VIT: variants seen among roughly 807,000 people sequenced by gnomAD.
VIT encodes the protein vitrin.
VIT carries 99 observed loss-of-function variants against 78.0 expected under a neutral mutation model. The ratio of observed to expected loss-of-function variants is 1.27; its 90% CI spans 1.08 to 1.50. VIT has a LOEUF of 1.50. Among genes scored for constraint, VIT ranks in the 40% most tolerant of loss-of-function variants. VIT has a pLI of 0.00. For synonymous variants in VIT, 374 were observed against 334.3 expected (o/e 1.12, Z -1.29); for missense variants, 1,126 against 875.3 (o/e 1.29, Z -3.61).
At chr2:36,783,895 C>T (rs1388708856) in intron 11 of VIT, among the ~76,000 whole-genome samples, 1 of 152,132 alleles carries the variant, frequency 6.6e-6, no homozygotes, top group Admixed American at 6.5e-5. Context: ...GGGGATGAAG[C>T]AGGTTTATGT....
intron 1 of VIT, among the ~76,000 whole-genome samples, chr2:36,715,706 AT>A (rs1054902954): frequency 2.3e-4 from 35 of 152,258 alleles, no homozygotes; most frequent in African/African-American, 8.2e-4. Flanking sequence ...GGGCATCAGA[AT>A]TTTTTTAAAC....
chr2:36,810,544 A>G (rs1407564506), intron 15 of VIT, among the ~76,000 whole-genome samples: 1 of 152,222 alleles, frequency 6.6e-6, no homozygotes, highest in Non-Finnish European at 1.5e-5. Context: ...TAAACCAAGT[A>G]GTCAATGAAC....
At chr2:36,809,183 G>T (rs1666973087) in intron 15 of VIT, among the ~76,000 whole-genome samples, 198 bp downstream of exon 15, 1 of 152,156 alleles carries the variant, frequency 6.6e-6, no homozygotes. Context: ...CAAGGATGGG[G>T]CAGCAAGGTG....
intron 10 of VIT, among the ~76,000 whole-genome samples, chr2:36,782,597 GC>G (rs1664834158): frequency 6.6e-6 from 1 of 152,316 alleles, no homozygotes; most frequent in Non-Finnish European, 1.5e-5. Context: ...TGCCTGGGAA[GC>G]CCATTCGTGT....
chr2:36,803,200 A>G (rs539495331), intron 13 of VIT, among the ~76,000 whole-genome samples: 1 of 152,304 alleles, frequency 6.6e-6, no homozygotes, highest in East Asian at 1.9e-4. Context: ...ACCTCTGCGG[A>G]CAGTATCCCA....
At chr2:36,719,003 C>T (rs1339241144) in intron 2 of VIT, among the ~76,000 whole-genome samples, 6 of 152,096 alleles carry the variant, frequency 3.9e-5, no homozygotes, top group African/African-American at 9.7e-5. Flanking sequence ...AGGGTTTAGT[C>T]GAACAAATAA....
At chr2:36,798,435 C>T (rs551492241) in intron 12 of VIT, among the ~76,000 whole-genome samples, 117 of 152,306 alleles carry the variant, frequency 7.7e-4, no homozygotes, top group African/African-American at 2.4e-3. Context: ...TAAAAGTGTA[C>T]ATAGCATTTA....
At chr2:36,795,441 C>T (rs1665823861) in intron 12 of VIT, among the ~76,000 whole-genome samples, 1 of 150,880 alleles carries the variant, frequency 6.6e-6, no homozygotes, top group Non-Finnish European at 1.5e-5. Flanking sequence ...GAGTTTCGCT[C>T]TTGTTGCCCA....
intron 2 of VIT, among the ~76,000 whole-genome samples, chr2:36,724,841 C>T (rs542512910): frequency 1.3e-5 from 2 of 152,170 alleles, no homozygotes; most frequent in African/African-American, 2.4e-5. Context: ...AGGCCAAGAA[C>T]AGTTTTTGGT....
intron 9 of VIT, among the ~76,000 whole-genome samples, chr2:36,776,807 A>G (rs1172833948): frequency 6.6e-6 from 1 of 151,330 alleles, no homozygotes; most frequent in African/African-American, 2.4e-5. Context: ...AAAAAATAAA[A>G]TGGCCTGGCG....
At chr2:36,700,269 C>T (rs1664969621) in intron 1 of VIT, among the ~76,000 whole-genome samples, 1 of 152,058 alleles carries the variant, frequency 6.6e-6, no homozygotes, top group African/African-American at 2.4e-5. Flanking sequence ...ATCTGAGAAA[C>T]CTCAAAAGGT....
chr2:36,814,681 T>C lies in VIT; in HGVS notation c.*320T>C, dbSNP rs992786132. 4 of 225,516 alleles carry C rather than the reference T, an allele frequency of 1.8e-5. No homozygotes were observed. Among genetic ancestry groups the C allele is most frequent in the Non-Finnish European group, 3.4e-5 (4 of 116,610 alleles). The allele number at this position is 225,516 out of a possible 1,614,324, so 14.0% of individuals were successfully genotyped here. On this transcript the variant is annotated 3_prime_UTR_variant, in exon 16 of 16. Transcript: ENST00000379242. ...ACGACAGGCTTACGTAGAGCTTTTGTGAGATTTTTAAGTTGTTATTTCTGA... is the reference window on the plus strand; with the variant it reads ...ACGACAGGCTTACGTAGAGCTTTTGCGAGATTTTTAAGTTGTTATTTCTGA...
intron 2 of VIT, among the ~76,000 whole-genome samples, chr2:36,722,273 C>A (rs1046377338): frequency 1.3e-5 from 2 of 152,078 alleles, no homozygotes; most frequent in African/African-American, 4.8e-5. Context: ...GTAAAGAGGC[C>A]GACACTGTAG....
chr2:36,812,609 C>T (rs1257378015), intron 15 of VIT, among the ~76,000 whole-genome samples: 1 of 152,108 alleles, frequency 6.6e-6, no homozygotes, highest in Non-Finnish European at 1.5e-5. Flanking sequence ...TACTCCTTCC[C>T]ATTTGCACCT....
chr2:36,741,317 G>A (rs536715988), intron 3 of VIT, among the ~76,000 whole-genome samples: 1 of 152,306 alleles, frequency 6.6e-6, no homozygotes, highest in East Asian at 1.9e-4. Flanking sequence ...AATAGCCGGC[G>A]AGGAGGCAAC....
chr2:36,731,349 C>G (rs1667196194), intron 3 of VIT, among the ~76,000 whole-genome samples: 2 of 152,152 alleles, frequency 1.3e-5, no homozygotes, highest in South Asian at 2.1e-4. Context: ...TCTCGGCTAA[C>G]TGCGACCTCC....
intron 4 of VIT, among the ~76,000 whole-genome samples, chr2:36,752,085 G>T (rs1325310879): frequency 6.6e-6 from 1 of 152,100 alleles, no homozygotes; most frequent in African/African-American, 2.4e-5. Flanking sequence ...GTACTAAAGG[G>T]TTTAATGTTC....
chr2:36,755,017 AT>A lies in VIT; in HGVS notation c.373del (p.Ser125ProfsTer12). On this transcript the variant is annotated frameshift_variant, in exon 5 of 16. Coordinates refer to ENST00000379242, the MANE Select transcript of VIT (RefSeq NM_053276.4). LOFTEE classifies it high-confidence loss of function. ...GSYSNGVQSL[S>X]LPRWRESFIV... ...GTTATTCCAACGGTGTCCAATCGTT[AT>A]CCCTACCACGATGGAGAGAATCCTT... 1 of 1,614,192 alleles carries A rather than the reference AT, an allele frequency of 6.2e-7. No homozygotes were observed. The highest frequency in any genetic ancestry group is 1.1e-5 in the South Asian group (1 of 91,084).
intron 11 of VIT, among the ~76,000 whole-genome samples, chr2:36,784,493 T>C (rs1279536403): frequency 6.6e-6 from 1 of 152,206 alleles, no homozygotes; most frequent in African/African-American, 2.4e-5. Flanking sequence ...AGAAGCACTT[T>C]ACAGAGTGAA....
Sources: allele counts gnomAD v4.1 joint callset (sites outside exome capture counted in the v4.1 genomes callset), GRCh38; gene constraint gnomAD v4.1.1; transcripts MANE v1.5; gene names NCBI Gene and HGNC (gene_info 2026-07-23, HGNC 2026-07-21).